The following SPAG16 variants were observed in gnomAD, a reference collection of about 807,000 sequenced individuals.
The protein encoded by SPAG16 is sperm associated antigen 16.
A neutral mutation model predicts 80.4 loss-of-function variants in SPAG16; 86 were observed. The ratio of observed to expected loss-of-function variants is 1.07; its 90% CI spans 0.90 to 1.28. SPAG16 has a LOEUF of 1.28. Ranked by LOEUF, SPAG16 falls within the 50% of genes most tolerant of loss-of-function variation. The pLI is 0.00. For synonymous variants in SPAG16, 294 were observed against 265.9 expected (o/e 1.11, Z -1.03); for missense variants, 870 against 765.3 (o/e 1.14, Z -1.61).
intron 13 of SPAG16, among the ~76,000 whole-genome samples, chr2:214,096,295 A>G (rs2052585713): frequency 6.6e-6 from 1 of 151,832 alleles, no homozygotes; most frequent in South Asian, 2.1e-4. Context: ...AAAAATGTAG[A>G]ATTTTTTTCA....
Position 213,553,995 on chromosome 2 carries a change from A to G in SPAG16, c.1070+63905A>G, listed in dbSNP as rs541671712. Among the ~76,000 whole-genome samples the G allele has an allele frequency of 2.6e-5, 4 of 152,278 alleles. No homozygotes were observed. In the South Asian group the frequency reaches 8.3e-4, roughly 32 times the overall value. The stretch of plus-strand genomic sequence containing the variant: ...TATTATCACCCTGGGTTCCAGAGCC[A>G]TAGCCCCTTCATGTTTGCCCATGCT... On this transcript the variant is annotated intron_variant, in intron 10 of 15. Coordinates refer to ENST00000331683, the MANE Select transcript of SPAG16 (RefSeq NM_024532.5).
At chr2:214,148,377 T>G (rs932622153) in intron 14 of SPAG16, among the ~76,000 whole-genome samples, 4 of 152,164 alleles carry the variant, frequency 2.6e-5, no homozygotes, top group African/African-American at 9.7e-5. Flanking sequence ...GCTGCAAAAC[T>G]ATCTCTCCCC....
chr2:213,369,933 G>C (rs527455152), intron 8 of SPAG16, among the ~76,000 whole-genome samples: 3 of 152,020 alleles, frequency 2.0e-5, no homozygotes, highest in Non-Finnish European at 2.9e-5. Context: ...TTTACATTAG[G>C]GTTCACTTTT....
chr2:213,603,871 A>T (rs566761702), intron 10 of SPAG16, among the ~76,000 whole-genome samples: 2 of 151,794 alleles, frequency 1.3e-5, no homozygotes, highest in South Asian at 4.2e-4. Context: ...TTCAAGTATT[A>T]ACCACTTTCT....
rs1439074802 is a variant in SPAG16 at position 213,284,508 on chromosome 2, A to G, written c.25A>G (p.Ser9Gly). ...GATGGCTGCTCAGCGAGGGATGCCC[A>G]GCTCCGCCGTGAGGGTCCTGGAAGA... MAAQRGMP[S>G]SAVRVLEEAL... The change falls in exon 1 of 16, where the codon AGC (serine) becomes GGC (glycine). Residue 9 changes from serine (S) to glycine (G), a missense_variant. Coordinates refer to ENST00000331683, the MANE Select transcript of SPAG16 (RefSeq NM_024532.5). The G allele has an allele frequency of 6.3e-7, 1 of 1,578,692 alleles. No individual in the cohort carries two copies. Among genetic ancestry groups the G allele is most frequent in the Non-Finnish European group, 8.6e-7 (1 of 1,162,580 alleles).
intron 10 of SPAG16, among the ~76,000 whole-genome samples, chr2:213,713,178 C>T (rs1472884872): frequency 6.6e-6 from 1 of 152,170 alleles, no homozygotes; most frequent in Non-Finnish European, 1.5e-5. Flanking sequence ...CCTCCCCCAA[C>T]ACGTAGGGAT....
chr2:214,331,542 T>C (rs565904597), intron 15 of SPAG16, among the ~76,000 whole-genome samples: 2 of 152,326 alleles, frequency 1.3e-5, no homozygotes, highest in East Asian at 3.9e-4. Context: ...GTAAAGCTAC[T>C]TCTACTTCTA....
At position 214,082,603 on chromosome 2, in the gene SPAG16, T is replaced by G. The variant is rs1003827909; in HGVS notation, c.1528-25593T>G. 3.9e-5 allele frequency among the ~76,000 whole-genome samples: 6 copies of G among 152,216 alleles called. 1 individual carries two copies. Among genetic ancestry groups the G allele is most frequent in the Non-Finnish European group, 7.3e-5 (5 of 68,034 alleles). On this transcript the variant is annotated intron_variant, in intron 13 of 15. Transcript: ENST00000331683. ...TGTCACACTGTTCGTCTTTTCATCA[T>G]TGCCAGATACAGTGGTTCTCAACTC... is the stretch of plus-strand genomic sequence containing the variant.
chr2:214,050,856 C>T (rs2049605541), intron 13 of SPAG16, among the ~76,000 whole-genome samples: 1 of 152,144 alleles, frequency 6.6e-6, no homozygotes, highest in South Asian at 2.1e-4. Context: ...AAAAAAAGAT[C>T]AACCTGCAAA....
At chr2:214,221,288 T>C (rs1576528561) in intron 15 of SPAG16, among the ~76,000 whole-genome samples, 1 of 152,298 alleles carries the variant, frequency 6.6e-6, no homozygotes, top group East Asian at 1.9e-4. Flanking sequence ...TAGTTTTTTT[T>C]GAATGATGTT....
At chr2:213,766,341 C>T (rs1325759547) in intron 10 of SPAG16, among the ~76,000 whole-genome samples, 7 of 152,144 alleles carry the variant, frequency 4.6e-5, no homozygotes, top group Non-Finnish European at 2.9e-5. Flanking sequence ...AACCTTGTGA[C>T]TCTACTATAA....
chr2:214,224,072 G>T (rs2058645047), intron 15 of SPAG16, among the ~76,000 whole-genome samples: 1 of 152,182 alleles, frequency 6.6e-6, no homozygotes, highest in South Asian at 2.1e-4. Flanking sequence ...TAGTGGGGCT[G>T]TAGTCTCCTT....
At chr2:213,662,437 C>T (rs1340076161) in intron 10 of SPAG16, among the ~76,000 whole-genome samples, 2 of 152,088 alleles carry the variant, frequency 1.3e-5, no homozygotes, top group African/African-American at 4.8e-5. Flanking sequence ...AGAGTGGTTG[C>T]CTTAGGCCAC....
intron 10 of SPAG16, among the ~76,000 whole-genome samples, chr2:213,732,886 T>A (rs911103020): frequency 1.3e-5 from 2 of 152,212 alleles, no homozygotes; most frequent in African/African-American, 4.8e-5. Flanking sequence ...TTTGTGTGTA[T>A]ATACCCAGTA....
chr2:213,543,477 C>T (rs7560793), intron 10 of SPAG16, among the ~76,000 whole-genome samples: 65,366 of 151,618 alleles, frequency 0.43, 14,902 homozygotes, highest in African/African-American at 0.56. Flanking sequence ...GAATTTTATT[C>T]AGATCTTTCC....
chr2:213,491,063 T>C (rs1208663582), intron 10 of SPAG16, among the ~76,000 whole-genome samples: 1 of 152,216 alleles, frequency 6.6e-6, no homozygotes, highest in Non-Finnish European at 1.5e-5. Flanking sequence ...AAGAATATTG[T>C]CTATGGTATA....
chr2:214,197,946 T>C (rs182115660), intron 15 of SPAG16, among the ~76,000 whole-genome samples: 29 of 152,142 alleles, frequency 1.9e-4, no homozygotes, highest in African/African-American at 7.0e-4. Context: ...CAATTTGCTA[T>C]TGACTTTTTA....
At chr2:213,336,481 G>A (rs886529025) in intron 5 of SPAG16, among the ~76,000 whole-genome samples, 8 of 152,198 alleles carry the variant, frequency 5.3e-5, no homozygotes, top group Non-Finnish European at 1.0e-4. Flanking sequence ...TGCCTAGGAA[G>A]ACTTAATTCC....
At chr2:214,112,763 G>C (rs1261147176) in intron 14 of SPAG16, among the ~76,000 whole-genome samples, 1 of 150,060 alleles carries the variant, frequency 6.7e-6, no homozygotes, top group Non-Finnish European at 1.5e-5. Context: ...GATGGCTCTT[G>C]ATTCTTTATC....
Sources: allele counts gnomAD v4.1 joint callset (sites outside exome capture counted in the v4.1 genomes callset), GRCh38; gene constraint gnomAD v4.1.1; transcripts MANE v1.5; gene names NCBI Gene and HGNC (gene_info 2026-07-23, HGNC 2026-07-21).